The following CCDC9B variants were observed in gnomAD, a reference collection of about 807,000 sequenced individuals.
CCDC9B encodes the protein coiled-coil domain-containing protein 9B.
Under a neutral mutation model 47.2 loss-of-function variants are expected in CCDC9B, and 40 were observed. The observed-to-expected ratio is 0.85, with a 90% confidence interval of 0.66 to 1.10. CCDC9B has a LOEUF of 1.10. CCDC9B is among the 50% of genes least tolerant of loss of function. The pLI, the probability that CCDC9B is intolerant of heterozygous loss-of-function variation, is 0.00. For synonymous variants in CCDC9B, 238 were observed against 250.7 expected (o/e 0.95, Z 0.48); for missense variants, 662 against 651.0 (o/e 1.02, Z -0.18).
chr15:40,338,154 G>T, intron 5 of CCDC9B: 2 of 721,232 alleles, frequency 2.8e-6, no homozygotes, highest in Admixed American at 4.0e-5. Flanking sequence ...GGTGTTGCAG[G>T]GGTATGCAGA....
At position 40,337,462 on chromosome 15, in the gene CCDC9B, G is replaced by C. The variant is rs372468991; in HGVS notation, c.684-16C>G. 25 of 1,539,314 alleles carry C rather than the reference G, an allele frequency of 1.6e-5. No individual in the cohort carries two copies. In the African/African-American group the frequency reaches 2.9e-4, roughly 18 times the overall value. On this transcript the variant is annotated splice_polypyrimidine_tract_variant and intron_variant, in intron 6 of 10. Transcript: ENST00000397536. ...GTCCTGTAGCCTGTGTAGACAGAGG[G>C]AGTCAGGTTGCTGGTGCACAGAAGC... is the stretch of plus-strand genomic sequence containing the variant.
At chr15:40,340,386 C>T (rs939284647) in intron 1 of CCDC9B, 3 of 329,698 alleles carry the variant, frequency 9.1e-6, no homozygotes, top group Non-Finnish European at 1.7e-5. Context: ...CCAGGGGATT[C>T]GGGAGGTCGA....
chr15:40,340,068 TC>T, intron 1 of CCDC9B, 53 bp from the exon 2 acceptor site: 3 of 1,121,532 alleles, frequency 2.7e-6, no homozygotes, highest in Non-Finnish European at 2.6e-6. Flanking sequence ...CTCTCACCAG[TC>T]CCCAGCTTTC....
chr15:40,336,057 G>C, intron 9 of CCDC9B: 1 of 985,406 alleles, frequency 1.0e-6, no homozygotes, highest in Non-Finnish European at 1.2e-6. Flanking sequence ...GACCAGAGAG[G>C]AGGGGCCTCC....
chr15:40,340,203 GC>G, intron 1 of CCDC9B, 188 bp from the exon 2 acceptor site: 1 of 594,208 alleles, frequency 1.7e-6, no homozygotes, highest in Non-Finnish European at 3.0e-6. Context: ...AGGCCCGTCT[GC>G]CTGTCCCTGC....
At chr15:40,336,866 AG>A in intron 7 of CCDC9B, 53 bp from the exon 8 acceptor site, 2 of 1,523,532 alleles carry the variant, frequency 1.3e-6, no homozygotes, top group East Asian at 2.3e-5. Flanking sequence ...GATCCAAAAC[AG>A]GAACACCAGT....
chr15:40,338,024 T>C (rs1889003464), intron 5 of CCDC9B, 131 bp from the exon 6 acceptor site: 2 of 876,042 alleles, frequency 2.3e-6, no homozygotes, highest in South Asian at 2.8e-5. Flanking sequence ...GTTCCAGCTC[T>C]CCCGTGGAAA....
At position 40,333,213 on chromosome 15, in the gene CCDC9B, C is replaced by T. The variant is rs1445614718; in HGVS notation, c.*1945G>A. On this transcript the variant is annotated 3_prime_UTR_variant, in exon 11 of 11. Transcript: ENST00000397536. ...CCCTTCATATATTCTAGTCCAAACC[C>T]TTAACTACTCAAAACCATGGTCCAG... 2.0e-5 allele frequency: 3 copies of T among 152,224 alleles called. No individual in the cohort carries two copies. The highest frequency in any genetic ancestry group is 4.4e-5 in the Non-Finnish European group (3 of 68,090). 9.4% of individuals were successfully genotyped at this position (152,224 alleles called of 1,614,324 possible).
intron 8 of CCDC9B, 44 bp from the exon 9 acceptor site, chr15:40,336,708 C>T: frequency 6.2e-7 from 1 of 1,602,376 alleles, no homozygotes; most frequent in Non-Finnish European, 8.5e-7. Flanking sequence ...CCCATAGCAG[C>T]CGGCTCCATC....
chr15:40,338,939 G>T lies in CCDC9B; in HGVS notation c.232-36C>A, dbSNP rs973534320. Reference sequence around the variant, plus strand: ...AAGACCCTCAGGCCACATGGGCAGTGCTGGGCAGGACCTGGGTGCTGGGTC... The same window carrying T: ...AAGACCCTCAGGCCACATGGGCAGTTCTGGGCAGGACCTGGGTGCTGGGTC... On this transcript the variant is annotated intron_variant, in intron 3 of 10. Transcript: ENST00000397536. 3.1e-6 allele frequency: 5 copies of T among 1,613,468 alleles called. No individual in the cohort carries two copies. The African/African-American group carries it at 6.7e-5, about 22-fold the overall frequency.
chr15:40,339,872 TG>T, intron 2 of CCDC9B, 32 bp downstream of exon 2: 1 of 1,530,550 alleles, frequency 6.5e-7, no homozygotes, highest in Non-Finnish European at 9.0e-7. Flanking sequence ...GGCAGCCAAG[TG>T]GTTTCTCCTG....
At chr15:40,339,324 G>T (rs893965800) in intron 3 of CCDC9B, 188 bp downstream of exon 3, 5 of 619,738 alleles carry the variant, frequency 8.1e-6, no homozygotes, top group Non-Finnish European at 1.4e-5. Flanking sequence ...ATCTACTGGG[G>T]GTAGGGGGGC....
chr15:40,334,663 T>C lies in CCDC9B; in HGVS notation c.*495A>G, dbSNP rs191414971. 1,286 of 153,032 alleles carry C rather than the reference T, an allele frequency of 8.4e-3. 29 individuals are homozygous for C. Among genetic ancestry groups the C allele is most frequent in the South Asian group, 0.08 (388 of 4,848 alleles). 9.5% of individuals were successfully genotyped at this position (153,032 alleles called of 1,614,324 possible). A position where few individuals can be genotyped will look rare whatever the true frequency, so the allele number is the denominator to read the frequency against. On this transcript the variant is annotated 3_prime_UTR_variant, in exon 11 of 11. Transcript: ENST00000397536. ...CCACCACTCAGGAGAGGCAGGAGGC[T>C]GGCGCATGGTTACTGGGATTCCCCT... is the stretch of plus-strand genomic sequence containing the variant.
chr15:40,336,958 A>G, intron 7 of CCDC9B, 145 bp from the exon 8 acceptor site: 2 of 708,464 alleles, frequency 2.8e-6, no homozygotes, highest in African/African-American at 1.8e-5. Context: ...CCTGGGGGTC[A>G]GGAGAATAGG....
Position 40,332,084 on chromosome 15 carries a change from TCCA to T in CCDC9B, c.*3071_*3073del. 1.3e-5 allele frequency: 2 copies of T among 152,170 alleles called. No homozygotes were observed. Among genetic ancestry groups the T allele is most frequent in the African/African-American group, 4.8e-5 (2 of 41,426 alleles). 9.4% of individuals were successfully genotyped at this position (152,170 alleles called of 1,614,324 possible). A position where few individuals can be genotyped will look rare whatever the true frequency, so the allele number is the denominator to read the frequency against. On this transcript the variant is annotated 3_prime_UTR_variant, in exon 11 of 11. Coordinates refer to ENST00000397536, the MANE Select transcript of CCDC9B (RefSeq NM_207380.3). ...TGGCAGCTGTGTTTCATGAAGACCCTCCACCTTTGAAGAGCAGTCTTTTCTGTT... is the reference window on the plus strand; with the variant it reads ...TGGCAGCTGTGTTTCATGAAGACCCTCCTTTGAAGAGCAGTCTTTTCTGTT...
chr15:40,336,539 T>C (rs746467935), intron 9 of CCDC9B, 35 bp downstream of exon 9: 2 of 1,604,580 alleles, frequency 1.2e-6, no homozygotes, highest in South Asian at 2.2e-5. Context: ...GACACCCACA[T>C]GCCCGTCTTG....
intron 8 of CCDC9B, 38 bp from the exon 9 acceptor site, chr15:40,336,702 T>A: frequency 6.2e-7 from 1 of 1,604,430 alleles, no homozygotes; most frequent in Non-Finnish European, 8.5e-7. Flanking sequence ...AAGAGGCCCA[T>A]AGCAGCCGGC....
In CCDC9B at chr15:40,331,596, G is replaced by A. The variant is rs1888862506; in HGVS notation, c.*3562C>T. 1 of 152,366 alleles carries A rather than the reference G, an allele frequency of 6.6e-6. No homozygotes were observed. The allele number at this position is 152,366 out of a possible 1,614,324, so 9.4% of individuals were successfully genotyped here. On this transcript the variant is annotated 3_prime_UTR_variant, in exon 11 of 11. Transcript: ENST00000397536. Reference sequence around the variant, plus strand: ...CCCCATCCAGGTACTAACCAGGCCTGACCCTGCTTAGCTTACGAGATTAGG... The same window carrying A: ...CCCCATCCAGGTACTAACCAGGCCTAACCCTGCTTAGCTTACGAGATTAGG...
chr15:40,338,598 A>T lies in CCDC9B; in HGVS notation c.450T>A (p.Pro150=), dbSNP rs1339178427. The T allele has an allele frequency of 6.2e-7, 1 of 1,613,958 alleles. No homozygotes were observed. The highest frequency in any genetic ancestry group is 1.7e-5 in the Admixed American group (1 of 60,000). The stretch of plus-strand genomic sequence containing the variant: ...GGGGGCTTCGGGTCACACGCCCTCC[A>T]GGTGACCCCTCTATGCCTTGGTTCC... ...RARNQGIEGS[P]GGRVTRSPPT... is the part of the protein sequence containing the mutation. Residue 150 remains proline, a synonymous_variant, in exon 5 of 11, where the codon CCT becomes CCA. Coordinates refer to ENST00000397536, the MANE Select transcript of CCDC9B (RefSeq NM_207380.3).
Sources: allele counts gnomAD v4.1 joint callset, GRCh38; gene constraint gnomAD v4.1.1; transcripts MANE v1.5; gene names NCBI Gene and HGNC (gene_info 2026-07-23, HGNC 2026-07-21).